CFAP299: variants seen among roughly 807,000 people sequenced by gnomAD.
The protein encoded by CFAP299 is cilia- and flagella-associated protein 299.
Under a neutral mutation model 27.0 loss-of-function variants are expected in CFAP299, and 21 were observed. The observed-to-expected ratio is 0.78, with a 90% CI of 0.55 to 1.12. CFAP299 has a LOEUF of 1.12. Among genes scored for constraint, CFAP299 ranks in the 50% most tolerant of loss-of-function variants. The pLI, the probability that CFAP299 is intolerant of heterozygous loss-of-function variation, is 0.00. For synonymous variants in CFAP299, 104 were observed against 98.1 expected, an observed-to-expected ratio of 1.06 and a Z score of -0.36; for missense variants, 310 against 276.6, an observed-to-expected ratio of 1.12 and a Z score of -0.86.
At chr4:80,864,520 G>A (rs7684425) in intron 3 of CFAP299, among the ~76,000 whole-genome samples, 6 of 143,054 alleles carry the variant, frequency 4.2e-5, no homozygotes, top group South Asian at 2.2e-4. Flanking sequence ...CTATATATAC[G>A]TATATATACA....
At chr4:80,432,591 G>A (rs1051585477) in intron 2 of CFAP299, among the ~76,000 whole-genome samples, 1 of 142,850 alleles carries the variant, frequency 7.0e-6, no homozygotes, top group African/African-American at 2.7e-5. Flanking sequence ...GGAGTGCAGT[G>A]ACTCAACCTC....
intron 2 of CFAP299, among the ~76,000 whole-genome samples, chr4:80,485,282 T>C (rs964216849): frequency 1.3e-5 from 2 of 149,514 alleles, no homozygotes; most frequent in African/African-American, 2.4e-5. Flanking sequence ...TTTATATATA[T>C]ATAAAACAAA....
At chr4:80,883,817 A>G (rs1733837852) in intron 4 of CFAP299, among the ~76,000 whole-genome samples, 1 of 152,166 alleles carries the variant, frequency 6.6e-6, no homozygotes. Context: ...ATACAATAAT[A>G]ATAGAGGACT....
At chr4:80,379,920 T>C (rs530314170) in intron 2 of CFAP299, among the ~76,000 whole-genome samples, 1 of 152,148 alleles carries the variant, frequency 6.6e-6, no homozygotes, top group African/African-American at 2.4e-5. Context: ...TTAAGCCAAG[T>C]TGCTTGATTG....
At chr4:80,862,057 A>G (rs1732409266) in intron 3 of CFAP299, among the ~76,000 whole-genome samples, 1 of 152,166 alleles carries the variant, frequency 6.6e-6, no homozygotes, top group Non-Finnish European at 1.5e-5. Flanking sequence ...ATTATTCTTA[A>G]TTTCACCGGC....
chr4:80,488,340 G>A (rs756292252), intron 2 of CFAP299, among the ~76,000 whole-genome samples: 8 of 152,212 alleles, frequency 5.3e-5, no homozygotes, highest in East Asian at 3.9e-4. Flanking sequence ...AGACTGAACC[G>A]TGATTGCAAC....
At chr4:80,904,490 C>T (rs930931487) in intron 4 of CFAP299, among the ~76,000 whole-genome samples, 1 of 152,042 alleles carries the variant, frequency 6.6e-6, no homozygotes, top group Non-Finnish European at 1.5e-5. Flanking sequence ...AACTTTTTTT[C>T]ATATCCTAGC....
At chr4:80,779,813 T>A (rs150817701) in intron 3 of CFAP299, among the ~76,000 whole-genome samples, 12 of 152,034 alleles carry the variant, frequency 7.9e-5, no homozygotes, top group Non-Finnish European at 1.5e-4. Context: ...CTTTTATTTA[T>A]TTACTCACTT....
At chr4:80,644,470 C>A (rs576975971) in intron 3 of CFAP299, among the ~76,000 whole-genome samples, 3 of 152,106 alleles carry the variant, frequency 2.0e-5, no homozygotes, top group Admixed American at 6.6e-5. Flanking sequence ...AATATTAGAA[C>A]CTAGACCTAA....
chr4:80,892,580 G>A (rs2110188023), intron 4 of CFAP299, among the ~76,000 whole-genome samples: 1 of 152,094 alleles, frequency 6.6e-6, no homozygotes, highest in African/African-American at 2.4e-5. Flanking sequence ...GTCAACATAT[G>A]CAAATTAGTA....
intron 3 of CFAP299, among the ~76,000 whole-genome samples, chr4:80,813,369 AT>A (rs1298608245): frequency 1.3e-5 from 2 of 151,944 alleles, no homozygotes; most frequent in African/African-American, 4.8e-5. Flanking sequence ...GAAAAAAGGA[AT>A]TTTTTCTGGA....
intron 3 of CFAP299, among the ~76,000 whole-genome samples, chr4:80,832,464 A>G (rs555710177): frequency 6.6e-6 from 1 of 152,322 alleles, no homozygotes; most frequent in Non-Finnish European, 1.5e-5. Flanking sequence ...GCCATAGACA[A>G]TACCATTAAT....
At chr4:80,621,469 C>T (rs1312140891) in intron 3 of CFAP299, among the ~76,000 whole-genome samples, 1 of 151,954 alleles carries the variant, frequency 6.6e-6, no homozygotes, top group Non-Finnish European at 1.5e-5. Flanking sequence ...TCTCTCATCC[C>T]ATTCTTTGCA....
chr4:80,916,289 A>ATATATATG (rs1735759104), intron 4 of CFAP299, among the ~76,000 whole-genome samples: 2 of 115,878 alleles, frequency 1.7e-5, no homozygotes, highest in Non-Finnish European at 3.4e-5. Context: ...ATATATATAT[A>ATATATATG]TATATATTTC....
chr4:80,398,691 A>C (rs1256141989), intron 2 of CFAP299, among the ~76,000 whole-genome samples: 1 of 152,256 alleles, frequency 6.6e-6, no homozygotes, highest in African/African-American at 2.4e-5. Flanking sequence ...AAATTAATTC[A>C]AGATGGATTG....
chr4:80,826,738 T>A (rs530471749), intron 3 of CFAP299, among the ~76,000 whole-genome samples: 1 of 152,010 alleles, frequency 6.6e-6, no homozygotes, highest in Non-Finnish European at 1.5e-5. Flanking sequence ...TTACAGCCAC[T>A]ACCAACATAA....
chr4:80,527,273 G>C (rs1402261507), intron 2 of CFAP299, among the ~76,000 whole-genome samples: 1 of 151,414 alleles, frequency 6.6e-6, no homozygotes, highest in Admixed American at 6.6e-5. Flanking sequence ...ATTTGTTCTT[G>C]TGAAAAAAAA....
intron 2 of CFAP299, among the ~76,000 whole-genome samples, chr4:80,473,464 G>A (rs1730111876): frequency 6.6e-6 from 1 of 151,316 alleles, no homozygotes; most frequent in African/African-American, 2.4e-5. Flanking sequence ...AAAATCTAAT[G>A]TGTAAATTTT....
intron 2 of CFAP299, among the ~76,000 whole-genome samples, chr4:80,472,428 G>A (rs1239648867): frequency 1.3e-5 from 2 of 152,142 alleles, no homozygotes; most frequent in Non-Finnish European, 2.9e-5. Context: ...AAAAAACTAT[G>A]CTATTGCCGT....
Sources: gnomAD v4.1 joint callset for allele counts (sites outside exome capture counted in the v4.1 genomes callset) on GRCh38, gnomAD v4.1.1 for gene constraint, MANE v1.5 for transcripts, NCBI Gene and HGNC (gene_info 2026-07-23, HGNC 2026-07-21) for gene names.